SPEN: variants seen among roughly 807,000 people sequenced by gnomAD.
SPEN encodes the protein msx2-interacting protein.
In SPEN, 18 loss-of-function variants were observed where a neutral mutation model predicts 269.9. The ratio of observed to expected loss-of-function variants is 0.07; its 90% CI spans 0.05 to 0.10. The LOEUF is 0.10. Ranked by LOEUF, SPEN falls within the 10% of genes least tolerant of loss-of-function variation. SPEN has a pLI of 1.00. For synonymous variants in SPEN, 1,726 were observed against 1,765.7 expected, an observed-to-expected ratio of 0.98 and a Z score of 0.56; for missense variants, 3,822 against 4,631.2, an observed-to-expected ratio of 0.83 and a Z score of 5.07.
At chr1:15,898,558 C>CTTTTTTTTTTTTTTT (rs375319827) in intron 3 of SPEN, among the ~76,000 whole-genome samples, 2 of 131,974 alleles carry the variant, frequency 1.5e-5, no homozygotes, top group African/African-American at 2.8e-5. Context: ...TTCTTTTTTT[C>CTTTTTTTTTTTTTTT]TTTTTTTTTT....
chr1:15,925,286 A>G (rs1212753524), intron 10 of SPEN, among the ~76,000 whole-genome samples: 2 of 152,154 alleles, frequency 1.3e-5, no homozygotes, highest in African/African-American at 2.4e-5. Context: ...ACAGGGTCAC[A>G]TTGTGATTCA....
chr1:15,884,543 CTT>C (rs957340770), intron 3 of SPEN, among the ~76,000 whole-genome samples: 9 of 152,052 alleles, frequency 5.9e-5, no homozygotes, highest in African/African-American at 2.2e-4. Context: ...TTCTCTCTCT[CTT>C]TTTTTAAAAA....
intron 8 of SPEN, among the ~76,000 whole-genome samples, chr1:15,920,563 CAA>C (rs1231607429): frequency 2.0e-5 from 3 of 151,952 alleles, no homozygotes; most frequent in Non-Finnish European, 4.4e-5. Context: ...TGAGCCAAAA[CAA>C]GACGAATACT....
In SPEN at chr1:15,848,053, G is replaced by T; in HGVS notation, c.-15G>T. ...GGGGGAGCCAGCAGCGGCGGTCGCC[G>T]GCACGCCGCCCAGCATGGTCCGGGA... On this transcript the variant is annotated 5_prime_UTR_variant, in exon 1 of 15. Transcript: ENST00000375759. This position sits in a 1 kb window ranked among gnomAD's most constrained non-coding sequence, Gnocchi z 5.1. 1.4e-6 allele frequency: 2 copies of T among 1,408,582 alleles called. No individual in the cohort carries two copies. The highest frequency in any genetic ancestry group is 2.9e-5 in the African/African-American group (2 of 68,268). 87.3% of individuals were successfully genotyped at this position (1,408,582 alleles called of 1,614,324 possible). A position where few individuals can be genotyped will look rare whatever the true frequency, so the allele number is the denominator to read the frequency against.
rs75769503 is a variant in SPEN at position 15,911,421 on chromosome 1, T to C, written c.1243+120T>C. 2.1e-3 allele frequency: 1,528 copies of C among 741,252 alleles called. 3 individuals carry two copies. The highest frequency in any genetic ancestry group is 2.9e-3 in the Non-Finnish European group (1,288 of 438,880). 45.9% of individuals were successfully genotyped at this position (741,252 alleles called of 1,614,324 possible). Reference sequence around the variant, plus strand: ...ACTATTCTGGCTTTATTTATTGACATATTTCCATTGTCTTCTGTTTTAAAA... The same window carrying C: ...ACTATTCTGGCTTTATTTATTGACACATTTCCATTGTCTTCTGTTTTAAAA... On this transcript the variant is annotated intron_variant, in intron 5 of 14. Coordinates refer to ENST00000375759, the MANE Select transcript of SPEN (RefSeq NM_015001.3).
chr1:15,925,471 G>T (rs2071157732), intron 10 of SPEN, among the ~76,000 whole-genome samples: 1 of 152,094 alleles, frequency 6.6e-6, no homozygotes, highest in Non-Finnish European at 1.5e-5. Flanking sequence ...TTCTTTTGTT[G>T]TCATGGGGCC....
At chr1:15,909,000 CTAT>C (rs1283771951) in intron 3 of SPEN, among the ~76,000 whole-genome samples, 28 of 151,544 alleles carry the variant, frequency 1.8e-4, no homozygotes. Context: ...CATATACGCA[CTAT>C]TATTATTATT....
chr1:15,861,251 C>T (rs770199438), intron 1 of SPEN, among the ~76,000 whole-genome samples: 15 of 151,588 alleles, frequency 9.9e-5, no homozygotes, highest in Non-Finnish European at 1.9e-4. Flanking sequence ...CCCGCCTCAG[C>T]CTCCCAAGTA....
At chr1:15,876,844 A>G in intron 3 of SPEN, 166 bp downstream of exon 3, 1 of 619,946 alleles carries the variant, frequency 1.6e-6, no homozygotes, top group Non-Finnish European at 2.8e-6. Context: ...TAACTGTTCT[A>G]AGTACTCGAA....
intron 3 of SPEN, among the ~76,000 whole-genome samples, chr1:15,887,160 G>T (rs895517519): frequency 6.6e-6 from 1 of 151,920 alleles, no homozygotes; most frequent in African/African-American, 2.4e-5. Flanking sequence ...ATTTTTTGTA[G>T]AGATGGAGTC....
intron 2 of SPEN, chr1:15,874,139 G>A (rs1403024648): frequency 7.3e-7 from 1 of 1,364,716 alleles, no homozygotes; most frequent in Admixed American, 1.9e-5. Flanking sequence ...ATTTCTAATT[G>A]TCTGCTATCT....
intron 3 of SPEN, 102 bp downstream of exon 3, chr1:15,876,780 C>G (rs1461210033): frequency 2.2e-6 from 2 of 907,528 alleles, no homozygotes; most frequent in Non-Finnish European, 3.5e-6. Flanking sequence ...TTAAAGTAAT[C>G]TTGGATCATA....
At position 15,919,152 on chromosome 1, in the gene SPEN, A is replaced by G. The variant is rs896255642; in HGVS notation, c.1521+101A>G. The stretch of plus-strand genomic sequence containing the variant: ...CATATGCCTTATTATTTAAGATCCT[A>G]CTAAGACAGATAACCATAAAAGTGA... On this transcript the variant is annotated intron_variant, in intron 7 of 14. Coordinates refer to ENST00000375759, the MANE Select transcript of SPEN (RefSeq NM_015001.3). 12 of 1,002,476 alleles carry G rather than the reference A, an allele frequency of 1.2e-5. No homozygotes were observed. In the African/African-American group the frequency reaches 1.5e-4, roughly 12 times the overall value. 62.1% of individuals were successfully genotyped at this position (1,002,476 alleles called of 1,614,324 possible).
chr1:15,902,375 C>G (rs912616252), intron 3 of SPEN, among the ~76,000 whole-genome samples: 3 of 152,186 alleles, frequency 2.0e-5, no homozygotes, highest in Admixed American at 6.5e-5. Flanking sequence ...TAGGGAAGGT[C>G]TCACAGATCT....
At position 15,873,323 on chromosome 1, in the gene SPEN, C is replaced by T. The variant is rs186841060; in HGVS notation, c.404+187C>T. 108 of 985,318 alleles carry T rather than the reference C, an allele frequency of 1.1e-4. 1 individual carries two copies. In the African/African-American group the frequency reaches 1.8e-3, roughly 16 times the overall value. The allele number at this position is 985,318 out of a possible 1,614,324, so 61.0% of individuals were successfully genotyped here. On this transcript the variant is annotated intron_variant, in intron 2 of 14. Coordinates refer to ENST00000375759, the MANE Select transcript of SPEN (RefSeq NM_015001.3). ...CTTATGGAATCGTAGAGGATATTTC[C>T]TGCAGCTGATTGGATATCTGTTCCT...
At chr1:15,938,211 C>T (rs1446070726) in intron 13 of SPEN, among the ~76,000 whole-genome samples, 7 of 152,234 alleles carry the variant, frequency 4.6e-5, no homozygotes, top group African/African-American at 1.7e-4. Flanking sequence ...TCAAGCCATT[C>T]TCTTGCCTCA....
intron 1 of SPEN, among the ~76,000 whole-genome samples, chr1:15,864,038 T>C (rs1569976517): frequency 1.3e-5 from 2 of 152,066 alleles, no homozygotes; most frequent in South Asian, 4.1e-4. Flanking sequence ...GCTACAACAT[T>C]TGAAGACACT....
chr1:15,911,473 A>G (rs112165213), intron 5 of SPEN, among the ~76,000 whole-genome samples, 172 bp downstream of exon 5: 24 of 152,328 alleles, frequency 1.6e-4, no homozygotes, highest in African/African-American at 5.8e-4. Flanking sequence ...GTTCAACTTA[A>G]TAAAAAACAT....
chr1:15,909,290 A>G, intron 3 of SPEN, 31 bp from the exon 4 acceptor site: 1 of 1,583,588 alleles, frequency 6.3e-7, no homozygotes, highest in Non-Finnish European at 8.6e-7. Context: ...TTGTCTTTTC[A>G]CTAAAGTTTG....
Sources: allele counts gnomAD v4.1 joint callset (sites outside exome capture counted in the v4.1 genomes callset), GRCh38; gene constraint gnomAD v4.1.1; non-coding constraint Gnocchi (gnomAD v3.1); transcripts MANE v1.5; gene names NCBI Gene and HGNC (gene_info 2026-07-23, HGNC 2026-07-21).